Variants in IBTK observed in about 807,000 individuals in gnomAD.
IBTK encodes the protein BTK-binding protein.
Under a neutral mutation model 154.9 loss-of-function variants are expected in IBTK, and 83 were observed. The ratio of observed to expected loss-of-function variants is 0.54; its 90% CI spans 0.45 to 0.64. IBTK has a LOEUF of 0.64. IBTK is among the 30% of genes least tolerant of loss of function. IBTK has a pLI of 0.00. For synonymous variants in IBTK, 515 were observed against 536.1 expected (o/e 0.96, Z 0.54); for missense variants, 1,332 against 1,584.6 (o/e 0.84, Z 2.71).
In IBTK at chr6:82,225,505, G is replaced by A. The variant is rs367711310; in HGVS notation, c.797C>T (p.Pro266Leu). 1.1e-5 allele frequency: 17 copies of A among 1,612,442 alleles called. No individual in the cohort carries two copies. Among genetic ancestry groups the A allele is most frequent in the East Asian group, 2.2e-5 (1 of 44,750 alleles). Residue 266 changes from proline to leucine, a missense_variant, in exon 6 of 29, where the codon CCG becomes CTG. Pro to Leu is a moderately conservative substitution (Grantham distance 98). This residue lies in a region of IBTK where 1,134 missense variants were observed against 1,274.7 expected (regional missense o/e 0.89). Transcript: ENST00000306270. ...TCTGGGTACATTACAACTGGAAGGC[G>A]GTGGAATAATTCCTAATTGATGAAA... ...NIFHQLGIIP[P>L]PSSCNVPRQI...
chr6:82,200,752 A>T (rs1769173739), intron 19 of IBTK, 44 bp from the exon 20 acceptor site: 5 of 501,280 alleles, frequency 1.0e-5, no homozygotes, highest in South Asian at 5.8e-5. Flanking sequence ...AAATCTGTGA[A>T]GTTTTTTTTT....
At chr6:82,189,004 T>C (rs1267816389) in intron 25 of IBTK, 2 of 442,032 alleles carry the variant, frequency 4.5e-6, no homozygotes, top group Non-Finnish European at 4.5e-6. Context: ...CACTCAAACC[T>C]GAACAACAGG....
chr6:82,220,539 A>G, intron 9 of IBTK, 51 bp downstream of exon 9: 4 of 1,534,852 alleles, frequency 2.6e-6, no homozygotes, highest in Non-Finnish European at 3.5e-6. Flanking sequence ...CAGGTCTGCT[A>G]CAGCTATCAA....
chr6:82,219,518 T>C (rs372136497), intron 9 of IBTK, among the ~76,000 whole-genome samples: 1 of 151,992 alleles, frequency 6.6e-6, no homozygotes, highest in East Asian at 1.9e-4. Flanking sequence ...GTATGATATA[T>C]ACCTTTAAAT....
At position 82,214,531 on chromosome 6, in the gene IBTK, A is replaced by G. The variant is rs1187005759; in HGVS notation, c.1900T>C (p.Phe634Leu). Reference protein sequence around the residue: ...HPDMFEYLLQFIYTDTCDFLT... With the variant: ...HPDMFEYLLQLIYTDTCDFLT... ...AAGTCACAAGTATCTGTGTATATAA[A>G]TTGTAAAAGGTATTCAAACATGTCA... The change falls in exon 12 of 29, where the codon TTT becomes CTT. Residue 634 changes from phenylalanine to leucine, a missense_variant. This residue lies in a region of IBTK where 1,134 missense variants were observed against 1,274.7 expected (regional missense o/e 0.89). Transcript: ENST00000306270. 5.6e-6 allele frequency: 9 copies of G among 1,613,930 alleles called. No homozygotes were observed. The highest frequency in any genetic ancestry group is 1.3e-5 in the African/African-American group (1 of 74,920).
Position 82,218,081 on chromosome 6 carries a change from T to C in IBTK, c.1305A>G (p.Pro435=), listed in dbSNP as rs781244095. 2 of 1,610,376 alleles carry C rather than the reference T, an allele frequency of 1.2e-6. No homozygotes were observed. The highest frequency in any genetic ancestry group is 2.2e-5 in the East Asian group (1 of 44,690). The change falls in exon 10 of 29, where the codon CCA becomes CCG. Residue 435 remains proline (P), a synonymous_variant. Transcript: ENST00000306270. The part of the protein sequence containing the change: ...SSLKQCRWAY[P]RQVFISDIAL... The stretch of plus-strand genomic sequence containing the variant: ...CAATATCAGAAATGAAGACCTGACG[T>C]GGATAGGCCCATCGACACTGCTTCA...
chr6:82,243,985 C>G (rs975901504), intron 1 of IBTK, among the ~76,000 whole-genome samples: 2 of 151,964 alleles, frequency 1.3e-5, no homozygotes, highest in Admixed American at 1.3e-4. Context: ...AACATGGAAG[C>G]GATTAAGAGC....
At chr6:82,208,588 T>C (rs1205000213) in intron 16 of IBTK, among the ~76,000 whole-genome samples, 1 of 151,730 alleles carries the variant, frequency 6.6e-6, no homozygotes, top group Non-Finnish European at 1.5e-5. Flanking sequence ...AAAAAATTTT[T>C]ACAAATTAAC....
Position 82,171,179 on chromosome 6 carries a change from A to G in IBTK, c.*246T>C, listed in dbSNP as rs1767915184. 1 of 253,070 alleles carries G rather than the reference A, an allele frequency of 4.0e-6. No individual in the cohort carries two copies. The highest frequency in any genetic ancestry group is 1.0e-4 in the South Asian group (1 of 9,950). 15.7% of individuals were successfully genotyped at this position (253,070 alleles called of 1,614,324 possible). A position where few individuals can be genotyped will look rare whatever the true frequency, so the allele number is the denominator to read the frequency against. On this transcript the variant is annotated 3_prime_UTR_variant, in exon 29 of 29. Transcript: ENST00000306270. ...TCCTTTGTTAGATTATTCAGAAGAA[A>G]CAATTCTATTTAACCTTAATAAGTT...
At chr6:82,231,645 T>A (rs1770506583) in intron 4 of IBTK, 73 bp downstream of exon 4, 4 of 1,172,244 alleles carry the variant, frequency 3.4e-6, no homozygotes, top group Non-Finnish European at 3.6e-6. Context: ...GTAATCCACA[T>A]GAAAAGCTGA....
intron 15 of IBTK, 135 bp from the exon 16 acceptor site, chr6:82,211,045 C>T (rs1280371287): frequency 1.5e-5 from 7 of 475,466 alleles, no homozygotes; most frequent in Non-Finnish European, 2.6e-5. Context: ...ATTTACAAAA[C>T]ACATGGCTAA....
intron 22 of IBTK, among the ~76,000 whole-genome samples, chr6:82,195,909 C>G (rs919828211): frequency 1.3e-5 from 2 of 152,084 alleles, no homozygotes; most frequent in Admixed American, 6.5e-5. Context: ...AAAGAGACTG[C>G]GAACTTTCAA....
rs570011143 is a variant in IBTK, at chr6:82,180,949, A to C, written c.3725+930T>G. ...TTTGTTTTGTCTGAGACCAGGTCTC[A>C]CTCTGTCACCCATGCTGGAGTGCAG... On this transcript the variant is annotated intron_variant, in intron 26 of 28. Transcript: ENST00000306270. 4.8e-4 allele frequency among the ~76,000 whole-genome samples: 73 copies of C among 152,180 alleles called. 1 individual carries two copies. In the South Asian group the frequency reaches 0.015, roughly 31 times the overall value.
At position 82,177,084 on chromosome 6, in the gene IBTK, T is replaced by A. The variant is rs367937876; in HGVS notation, c.3726-3646A>T. Reference sequence around the variant, plus strand: ...CAAGCCCTTCTTCTGCAATGAAGTCTTCCTGACAACACCAGCCCATGCTCA... The same window carrying A: ...CAAGCCCTTCTTCTGCAATGAAGTCATCCTGACAACACCAGCCCATGCTCA... On this transcript the variant is annotated intron_variant, in intron 26 of 28. Coordinates refer to ENST00000306270, the MANE Select transcript of IBTK (RefSeq NM_015525.4). 2.0e-5 allele frequency among the ~76,000 whole-genome samples: 3 copies of A among 152,336 alleles called. No homozygotes were observed. The East Asian group carries it at 5.8e-4, about 29-fold the overall frequency.
intron 25 of IBTK, among the ~76,000 whole-genome samples, chr6:82,182,816 G>T (rs917614038): frequency 6.6e-6 from 1 of 152,114 alleles, no homozygotes; most frequent in Admixed American, 6.6e-5. Context: ...CCCAAAAGAC[G>T]ATGGAAAGGA....
chr6:82,191,150 C>T lies in IBTK; in HGVS notation c.3498G>A (p.Lys1166=), dbSNP rs1768753363. ...TGCTATTCATTCCTGAATTGTTTTC[C>T]TTGGTAGTCAATGCAATCATTTTTC... ...KQRKMIALTT[K]ENNSGMNSME... Residue 1166 remains lysine, a synonymous_variant, in exon 25 of 29, where the codon AAG becomes AAA. Transcript: ENST00000306270. The T allele has an allele frequency of 1.9e-6, 3 of 1,609,392 alleles. No homozygotes were observed. The Admixed American group carries it at 5.1e-5, about 27-fold the overall frequency.
intron 11 of IBTK, among the ~76,000 whole-genome samples, chr6:82,215,502 TA>T (rs1769833764): frequency 6.6e-6 from 1 of 152,006 alleles, no homozygotes; most frequent in South Asian, 2.1e-4. Context: ...GAAAGACAAA[TA>T]AGGCAGGGTG....
At chr6:82,202,765 C>A (rs1769257869) in intron 17 of IBTK, 120 bp from the exon 18 acceptor site, 21 of 603,210 alleles carry the variant, frequency 3.5e-5, no homozygotes, top group East Asian at 3.0e-5. Context: ...AAAAAAGTTT[C>A]TTGCCAAAAA....
intron 16 of IBTK, among the ~76,000 whole-genome samples, chr6:82,209,961 TTG>T (rs1235283064): frequency 6.6e-5 from 10 of 152,168 alleles, no homozygotes; most frequent in Admixed American, 3.9e-4. Context: ...CTCCACTAGA[TTG>T]AGTTTCTTGA....
Sources: allele counts gnomAD v4.1 joint callset (sites outside exome capture counted in the v4.1 genomes callset), GRCh38; gene constraint gnomAD v4.1.1; regional missense constraint gnomAD v4.1.1; transcripts MANE v1.5; gene names NCBI Gene and HGNC (gene_info 2026-07-23, HGNC 2026-07-21).